Variants in PPP1R8 observed in about 807,000 individuals in gnomAD.
PPP1R8 encodes protein phosphatase 1 regulatory subunit 8.
A neutral mutation model predicts 31.3 loss-of-function variants in PPP1R8; 4 were observed. The ratio of observed to expected loss-of-function variants is 0.13; its 90% CI spans 0.06 to 0.29. PPP1R8 has a LOEUF of 0.29. Ranked by LOEUF, PPP1R8 falls within the 10% of genes least tolerant of loss-of-function variation. The pLI, the probability that PPP1R8 is intolerant of heterozygous loss-of-function variation, is 1.00. For synonymous variants in PPP1R8, 170 were observed against 169.7 expected (o/e 1.00, Z -0.01); for missense variants, 254 against 440.1 (o/e 0.58, Z 3.78).
chr1:27,838,222 A>G (rs1571548434), intron 2 of PPP1R8, among the ~76,000 whole-genome samples: 5 of 150,834 alleles, frequency 3.3e-5, no homozygotes, highest in African/African-American at 1.2e-4. Context: ...AAAAAAAAAA[A>G]AAAAAAAATT....
rs140676645 is a variant in PPP1R8, at chr1:27,838,743, C to T, written c.162C>T (p.Asn54=). The T allele has an allele frequency of 9.6e-5, 154 of 1,604,388 alleles. No homozygotes were observed. In the African/African-American group the frequency reaches 1.3e-3, roughly 13 times the overall value. Residue 54 remains asparagine (N), a synonymous_variant, in exon 3 of 7, where the codon AAC becomes AAT. Coordinates refer to ENST00000311772, the MANE Select transcript of PPP1R8 (RefSeq NM_014110.5). ...DEKKYYLFGR[N]PDLCDFTIDH... ...AGAAGTATTACTTATTTGGGAGAAACCCTGATTTGTGTGACTTTACCATTG... is the reference window on the plus strand; with the variant it reads ...AGAAGTATTACTTATTTGGGAGAAATCCTGATTTGTGTGACTTTACCATTG...
intron 6 of PPP1R8, 53 bp from the exon 7 acceptor site, chr1:27,850,040 C>T (rs1437111074): frequency 1.3e-6 from 2 of 1,482,388 alleles, no homozygotes; most frequent in Non-Finnish European, 1.8e-6. Flanking sequence ...TCTTGGGCCT[C>T]ACCTCTTGTC....
In PPP1R8 at chr1:27,838,708, A is replaced by G. The variant is rs1557427820; in HGVS notation, c.127A>G (p.Ile43Val). The change falls in exon 3 of 7, where the codon ATT becomes GTT. Residue 43 changes from isoleucine to valine, a missense_variant. This residue lies in a region of PPP1R8 where 52 missense variants were observed against 145.3 expected (regional missense o/e 0.36). Transcript: ENST00000311772. ...TTTAATATTTATTTAGAAACTGATTATTGATGAGAAGAAGTATTACTTATT... is the reference window on the plus strand; with the variant it reads ...TTTAATATTTATTTAGAAACTGATTGTTGATGAGAAGAAGTATTACTTATT... ...KGDKLIEKLI[I>V]DEKKYYLFGR... The G allele has an allele frequency of 2.6e-6, 4 of 1,548,262 alleles. No individual in the cohort carries two copies. The highest frequency in any genetic ancestry group is 3.5e-6 in the Non-Finnish European group (4 of 1,142,940).
intron 2 of PPP1R8, chr1:27,834,512 CTT>C (rs772789686): frequency 3.9e-6 from 2 of 518,992 alleles, no homozygotes; most frequent in Admixed American, 1.9e-5. Flanking sequence ...AGCCATGAGT[CTT>C]TTAAGCCCAG....
Position 27,850,658 on chromosome 1 carries a change from G to C in PPP1R8, c.*212G>C, listed in dbSNP as rs564090888. 1.5e-5 allele frequency: 8 copies of C among 532,972 alleles called. No individual in the cohort carries two copies. The highest frequency in any genetic ancestry group is 2.7e-5 in the Non-Finnish European group (8 of 301,638). The allele number at this position is 532,972 out of a possible 1,614,324, so 33.0% of individuals were successfully genotyped here. On this transcript the variant is annotated 3_prime_UTR_variant, in exon 7 of 7. Coordinates refer to ENST00000311772, the MANE Select transcript of PPP1R8 (RefSeq NM_014110.5). ...CACAACACTTGCATTGTAGAGAAAG[G>C]CTTCTTATATCCTTTTCAATAGACT...
Position 27,850,230 on chromosome 1 carries a change from C to T in PPP1R8, c.840C>T (p.Gly280=). The T allele has an allele frequency of 6.2e-7, 1 of 1,614,250 alleles. No homozygotes were observed. Among genetic ancestry groups the T allele is most frequent in the African/African-American group, 1.3e-5 (1 of 75,070 alleles). ...GTGAAGCAGGCTCCCAGCCACATGG[C>T]ATCCATGGGACAGCACTCATCGGTG... ...THSEAGSQPH[G]IHGTALIGGL... is the part of the protein sequence containing the mutation. Residue 280 remains glycine, a synonymous_variant, in exon 7 of 7, where the codon GGC becomes GGT. Transcript: ENST00000311772.
chr1:27,843,067 A>G (rs757475734), intron 4 of PPP1R8, 119 bp from the exon 5 acceptor site: 71 of 1,174,266 alleles, frequency 6.0e-5, no homozygotes, highest in Middle Eastern at 5.7e-4. Flanking sequence ...AAGTGTCTCA[A>G]CTCCCTTTGG....
At chr1:27,835,450 G>A (rs2089155035) in intron 2 of PPP1R8, among the ~76,000 whole-genome samples, 1 of 152,180 alleles carries the variant, frequency 6.6e-6, no homozygotes, top group African/African-American at 2.4e-5. Flanking sequence ...GTGACTGACT[G>A]AGCTGTCAGG....
chr1:27,830,921 G>A (rs1174574076), intron 1 of PPP1R8, 30 bp downstream of exon 1: 1 of 1,540,804 alleles, frequency 6.5e-7, no homozygotes, highest in South Asian at 1.2e-5. Flanking sequence ...GGGCTAGAGT[G>A]GCCCGGCCGG....
At chr1:27,843,414 T>A in intron 5 of PPP1R8, 84 bp downstream of exon 5, 1 of 1,555,916 alleles carries the variant, frequency 6.4e-7, no homozygotes, top group Admixed American at 1.7e-5. Flanking sequence ...CCTAGCACTT[T>A]GGGAGGCCGA....
At chr1:27,835,080 A>G (rs1013420330) in intron 2 of PPP1R8, among the ~76,000 whole-genome samples, 1 of 152,264 alleles carries the variant, frequency 6.6e-6, no homozygotes, top group Middle Eastern at 3.4e-3. Flanking sequence ...CTGAATGTGT[A>G]CATTTAATTT....
rs116530454 is a variant in PPP1R8 at position 27,848,043 on chromosome 1, G to A, written c.702+951G>A. Among the ~76,000 whole-genome samples, 273 of 152,288 alleles carry A rather than the reference G, an allele frequency of 1.8e-3. 1 individual carries two copies. The highest frequency in any genetic ancestry group is 6.4e-3 in the African/African-American group (266 of 41,562). On this transcript the variant is annotated intron_variant, in intron 6 of 6. Transcript: ENST00000311772. ...ATTGCAATACCACACAGTTTGCCAT[G>A]CCTTTATTTTATGAGTGGCAATGGC...
chr1:27,849,978 A>G, intron 6 of PPP1R8, 115 bp from the exon 7 acceptor site: 1 of 927,460 alleles, frequency 1.1e-6, no homozygotes, highest in East Asian at 2.4e-5. Context: ...AGAAGTTAGG[A>G]ATCTTTCCCA....
intron 4 of PPP1R8, among the ~76,000 whole-genome samples, chr1:27,842,123 C>G (rs987446061): frequency 6.6e-6 from 1 of 152,094 alleles, no homozygotes. Context: ...GGCGGATCAC[C>G]TGAGGTCAGG....
chr1:27,832,831 GTCT>G lies in PPP1R8; in HGVS notation c.117+17_117+19del. ...AACTAATTGAGGTATGGAAATACAT[GTCT>G]TACTTTTTTGGCTGCCACACTAAAG... On this transcript the variant is annotated intron_variant, in intron 2 of 6. Coordinates refer to ENST00000311772, the MANE Select transcript of PPP1R8 (RefSeq NM_014110.5). 1 of 1,595,816 alleles carries G rather than the reference GTCT, an allele frequency of 6.3e-7. No individual in the cohort carries two copies. The highest frequency in any genetic ancestry group is 1.3e-5 in the African/African-American group (1 of 74,506).
At chr1:27,832,865 T>C in intron 2 of PPP1R8, 49 bp downstream of exon 2, 1 of 1,475,130 alleles carries the variant, frequency 6.8e-7, no homozygotes, top group Non-Finnish European at 9.4e-7. Flanking sequence ...TAAAGATTTT[T>C]GCCAGTGACT....
At chr1:27,833,306 G>A (rs1401681171) in intron 2 of PPP1R8, among the ~76,000 whole-genome samples, 4 of 152,186 alleles carry the variant, frequency 2.6e-5, no homozygotes, top group Non-Finnish European at 5.9e-5. Context: ...TTCAAAACAT[G>A]TATTGAGTGT....
intron 3 of PPP1R8, among the ~76,000 whole-genome samples, chr1:27,839,919 T>C (rs2089206636): frequency 6.6e-6 from 1 of 151,942 alleles, no homozygotes; most frequent in Non-Finnish European, 1.5e-5. Flanking sequence ...AAAGTAGCCC[T>C]GTATTGTGGA....
chr1:27,846,142 T>A (rs2089278004), intron 5 of PPP1R8, among the ~76,000 whole-genome samples: 1 of 152,096 alleles, frequency 6.6e-6, no homozygotes. Context: ...GATGACAACA[T>A]CTATTAGGGA....
Sources: gnomAD v4.1 joint callset for allele counts (sites outside exome capture counted in the v4.1 genomes callset) on GRCh38, gnomAD v4.1.1 for gene constraint, gnomAD v4.1.1 regional missense constraint, MANE v1.5 for transcripts, NCBI Gene and HGNC (gene_info 2026-07-23, HGNC 2026-07-21) for gene names.